SLC24A2: variants seen among roughly 807,000 people sequenced by gnomAD.
SLC24A2 encodes the protein solute carrier family 24 member 2.
SLC24A2 carries 36 observed loss-of-function variants against 62.0 expected under a neutral mutation model. The ratio of observed to expected loss-of-function variants is 0.58; its 90% CI spans 0.44 to 0.77. The LOEUF (loss-of-function observed/expected upper bound fraction) is 0.77. Ranked by LOEUF, SLC24A2 falls within the 30% of genes least tolerant of loss-of-function variation. The pLI, the probability that SLC24A2 is intolerant of heterozygous loss-of-function variation, is 0.00. For synonymous variants in SLC24A2, 358 were observed against 294.0 expected (o/e 1.22, Z -2.23); for missense variants, 846 against 817.9 (o/e 1.03, Z -0.42).
At chr9:19,913,706 C>T in the SLC24A2 span, among the ~76,000 whole-genome samples, 2 of 152,166 alleles carry the variant, frequency 1.3e-5, no homozygotes, top group Admixed American at 6.6e-5. Flanking sequence ...TGAAAACCTA[C>T]TTTATGCCAG....
At chr9:20,111,884 G>A in the SLC24A2 span, among the ~76,000 whole-genome samples, 151 of 152,126 alleles carry the variant, frequency 9.9e-4, no homozygotes, top group African/African-American at 3.5e-3. Context: ...TTCTTGTTTG[G>A]AAAAGTTGAA....
intron 2 of SLC24A2, among the ~76,000 whole-genome samples, chr9:19,768,077 T>C (rs574853901): frequency 6.6e-6 from 1 of 152,250 alleles, no homozygotes; most frequent in Non-Finnish European, 1.5e-5. Flanking sequence ...CATTAATCCA[T>C]GGGTAAATTA....
chr9:19,673,579 G>A (rs1205570319), intron 2 of SLC24A2, among the ~76,000 whole-genome samples: 1 of 152,156 alleles, frequency 6.6e-6, no homozygotes, highest in Non-Finnish European at 1.5e-5. Context: ...CTCCAGAATA[G>A]CTGGGATTAC....
the SLC24A2 span, among the ~76,000 whole-genome samples, chr9:20,125,951 G>C: frequency 6.6e-6 from 1 of 152,196 alleles, no homozygotes; most frequent in African/African-American, 2.4e-5. Context: ...AGAGGATCTG[G>C]GAGGGGAGGG....
At chr9:20,051,900 G>C in the SLC24A2 span, among the ~76,000 whole-genome samples, 50 of 151,812 alleles carry the variant, frequency 3.3e-4, no homozygotes, top group Non-Finnish European at 5.7e-4. Context: ...GGCTGGTTTA[G>C]TCTTACTGAG....
At chr9:19,710,607 G>A (rs1045496678) in intron 2 of SLC24A2, among the ~76,000 whole-genome samples, 11 of 152,194 alleles carry the variant, frequency 7.2e-5, no homozygotes, top group African/African-American at 2.4e-4. Flanking sequence ...AGTCTGGGGA[G>A]GAAGGTGGGG....
the SLC24A2 span, among the ~76,000 whole-genome samples, chr9:20,296,720 G>A: frequency 3.9e-5 from 6 of 152,186 alleles, no homozygotes; most frequent in African/African-American, 1.4e-4. Flanking sequence ...GCCCATCATG[G>A]TATTTCAGAT....
At chr9:20,146,659 G>T in the SLC24A2 span, among the ~76,000 whole-genome samples, 1 of 151,968 alleles carries the variant, frequency 6.6e-6, no homozygotes, top group Non-Finnish European at 1.5e-5. Context: ...TAAACCTACA[G>T]GATAGCCACC....
chr9:20,215,174 A>G, the SLC24A2 span, among the ~76,000 whole-genome samples: 8 of 152,210 alleles, frequency 5.3e-5, no homozygotes, highest in African/African-American at 1.7e-4. Flanking sequence ...GTGTCCTCAC[A>G]TGGTGGAAGG....
the SLC24A2 span, among the ~76,000 whole-genome samples, chr9:20,224,489 A>G: frequency 6.6e-6 from 1 of 152,166 alleles, no homozygotes; most frequent in Non-Finnish European, 1.5e-5. Flanking sequence ...CTCTCATACA[A>G]TACTGGCAGA....
chr9:19,628,403 A>T lies in SLC24A2; in HGVS notation c.931-6104T>A, dbSNP rs373167508. Among the ~76,000 whole-genome samples the T allele has an allele frequency of 6.9e-4, 105 of 152,334 alleles. 1 individual carries two copies. Among genetic ancestry groups the T allele is most frequent in the African/African-American group, 2.0e-3 (83 of 41,576 alleles). ...TCTTACAAATGGAGAAAGAGAGGCA[A>T]GAAGGGCCTCAGGCTATTTCTGTAC... On this transcript the variant is annotated intron_variant, in intron 2 of 10. Transcript: ENST00000341998.
chr9:19,593,928 A>G (rs1329235398), intron 5 of SLC24A2, among the ~76,000 whole-genome samples: 1 of 152,120 alleles, frequency 6.6e-6, no homozygotes, highest in Non-Finnish European at 1.5e-5. Flanking sequence ...GATCATTATG[A>G]TAGATGATAT....
At chr9:20,081,804 T>C in the SLC24A2 span, among the ~76,000 whole-genome samples, 80 of 152,220 alleles carry the variant, frequency 5.3e-4, no homozygotes, top group Non-Finnish European at 9.1e-4. Context: ...TCAGATATCA[T>C]TGGGTGGGGA....
chr9:19,761,355 A>G (rs1188114391), intron 2 of SLC24A2, among the ~76,000 whole-genome samples: 1 of 152,110 alleles, frequency 6.6e-6, no homozygotes, highest in Non-Finnish European at 1.5e-5. Context: ...CACCATTCTA[A>G]GTGGCGTGAG....
At chr9:20,024,047 T>C in the SLC24A2 span, among the ~76,000 whole-genome samples, 1 of 152,334 alleles carries the variant, frequency 6.6e-6, no homozygotes, top group Admixed American at 6.5e-5. Context: ...ATTTTCCCAG[T>C]TGTCTCTGTA....
upstream of SLC24A2, among the ~76,000 whole-genome samples, chr9:19,789,582 C>T (rs569377728): frequency 2.0e-5 from 3 of 152,266 alleles, no homozygotes; most frequent in South Asian, 2.1e-4. Context: ...CCCAAAACCC[C>T]GTGTCATTTT....
At chr9:20,294,705 A>G in the SLC24A2 span, among the ~76,000 whole-genome samples, 2 of 152,204 alleles carry the variant, frequency 1.3e-5, no homozygotes, top group African/African-American at 2.4e-5. Context: ...GTTTAATTCA[A>G]TAAATATTTG....
the SLC24A2 span, among the ~76,000 whole-genome samples, chr9:20,283,751 A>G: frequency 7.9e-3 from 630 of 79,958 alleles, 4 homozygotes; most frequent in African/African-American, 0.018. Flanking sequence ...AGAAAAAAAA[A>G]GGGGGGGGGG....
chr9:20,105,037 G>C, the SLC24A2 span, among the ~76,000 whole-genome samples: 138 of 152,172 alleles, frequency 9.1e-4, no homozygotes, highest in African/African-American at 2.9e-3. Flanking sequence ...AAAAAGGTAG[G>C]GGTTGCAATC....
Sources: gnomAD v4.1 joint callset for allele counts (sites outside exome capture counted in the v4.1 genomes callset) on GRCh38, gnomAD v4.1.1 for gene constraint, MANE v1.5 for transcripts, NCBI Gene and HGNC (gene_info 2026-07-23, HGNC 2026-07-21) for gene names.